The following TGFBI variants were observed in gnomAD, a reference collection of about 807,000 sequenced individuals.
TGFBI encodes the protein transforming growth factor beta induced, also known as transforming growth factor-beta-induced protein ig-h3.
A neutral mutation model predicts 73.7 loss-of-function variants in TGFBI; 50 were observed. That is an observed-to-expected ratio of 0.68 (90% CI 0.54 to 0.86). TGFBI has a LOEUF of 0.86. Among genes scored for constraint, TGFBI ranks in the 40% least tolerant of loss-of-function variants. TGFBI has a pLI of 0.00. For missense variants in TGFBI, 839 were observed against 877.0 expected, an observed-to-expected ratio of 0.96 and a Z score of 0.55; for synonymous variants, 362 against 360.5, an observed-to-expected ratio of 1.00 and a Z score of -0.05.
At position 136,046,552 on chromosome 5, in the gene TGFBI, G is replaced by A. The variant is rs3749786; in HGVS notation, c.459+57G>A. On this transcript the variant is annotated intron_variant, in intron 4 of 16. Transcript: ENST00000442011. ...TTATGGGGAACTGCCTTACTTCCCCGAGGGGTGGGCATGATGAATGGGAGT... is the reference window on the plus strand; with the variant it reads ...TTATGGGGAACTGCCTTACTTCCCCAAGGGGTGGGCATGATGAATGGGAGT... 19,929 of 1,516,636 alleles carry A rather than the reference G, an allele frequency of 0.013. 1,271 individuals carry two copies. The African/African-American group carries it at 0.17, about 13-fold the overall frequency. The allele number at this position is 1,516,636 out of a possible 1,614,324, so 93.9% of individuals were successfully genotyped here. A position where few individuals can be genotyped will look rare whatever the true frequency, so the allele number is the denominator to read the frequency against.
At chr5:136,034,293 A>G (rs1364901875) in intron 2 of TGFBI, among the ~76,000 whole-genome samples, 1 of 152,130 alleles carries the variant, frequency 6.6e-6, no homozygotes, top group Non-Finnish European at 1.5e-5. Flanking sequence ...GACTTAGAGC[A>G]CTAAACATAT....
At chr5:136,038,436 G>C (rs548733876) in intron 2 of TGFBI, among the ~76,000 whole-genome samples, 3 of 151,644 alleles carry the variant, frequency 2.0e-5, no homozygotes, top group Non-Finnish European at 4.4e-5. Context: ...AGGGAGGCAG[G>C]CTGTGCCTGG....
chr5:136,035,280 A>G (rs966501562), intron 2 of TGFBI, among the ~76,000 whole-genome samples: 2 of 152,190 alleles, frequency 1.3e-5, no homozygotes, highest in African/African-American at 4.8e-5. Context: ...AAAGGAGACT[A>G]TGCAAATTAT....
At chr5:136,055,860 T>C (rs1751621801) in intron 11 of TGFBI, 44 bp downstream of exon 11, 3 of 1,555,568 alleles carry the variant, frequency 1.9e-6, no homozygotes, top group Non-Finnish European at 1.8e-6. Context: ...CCAGTGGTCA[T>C]GCTGGAGTGG....
At chr5:136,049,324 T>C in intron 6 of TGFBI, 115 bp from the exon 7 acceptor site, 1 of 1,392,380 alleles carries the variant, frequency 7.2e-7, no homozygotes, top group Non-Finnish European at 9.6e-7. Context: ...GTTTTCGTCT[T>C]GGGCTTCTGT....
chr5:136,060,855 A>G lies in TGFBI; in HGVS notation c.1825A>G (p.Asn609Asp). 2.5e-6 allele frequency: 4 copies of G among 1,602,364 alleles called. No homozygotes were observed. Among genetic ancestry groups the G allele is most frequent in the Non-Finnish European group, 2.6e-6 (3 of 1,171,658 alleles). The part of the protein sequence containing the change: ...VSLKNNVVSV[N>D]KEPVAEPDIM... ...TTAGAAAAACAATGTGGTGAGTGTC[A>G]ACAAGGAGCCTGTTGCCGAGCCTGA... The change falls in exon 14 of 17, where the codon AAC becomes GAC. Residue 609 changes from asparagine to aspartate, a missense_variant. Asn to Asp is a conservative substitution (Grantham distance 23). Coordinates refer to ENST00000442011, the MANE Select transcript of TGFBI (RefSeq NM_000358.3).
At position 136,047,035 on chromosome 5, in the gene TGFBI, A is replaced by C; in HGVS notation, c.624+20A>C. On this transcript the variant is annotated intron_variant, in intron 5 of 16. Coordinates refer to ENST00000442011, the MANE Select transcript of TGFBI (RefSeq NM_000358.3). Reference sequence around the variant, plus strand: ...AATGGGGTAGGGGATCCCCAGCCATACTGCATGGCCCTTGGTGCATAATGA... The same window carrying C: ...AATGGGGTAGGGGATCCCCAGCCATCCTGCATGGCCCTTGGTGCATAATGA... 6.2e-7 allele frequency: 1 copy of C among 1,608,754 alleles called. No individual in the cohort carries two copies. The highest frequency in any genetic ancestry group is 8.5e-7 in the Non-Finnish European group (1 of 1,179,516).
rs569854331 is a variant in TGFBI at position 136,052,074 on chromosome 5, G to A, written c.914-833G>A. Among the ~76,000 whole-genome samples, 3 of 152,328 alleles carry A rather than the reference G, an allele frequency of 2.0e-5. No homozygotes were observed. The East Asian group carries it at 5.8e-4, about 29-fold the overall frequency. ...GCCACCTGCTCAGCCTGGGGTTGGG[G>A]GGGGCTCCTCCTCCTTGACTGGTCC... On this transcript the variant is annotated intron_variant, in intron 7 of 16. Transcript: ENST00000442011.
Position 136,054,762 on chromosome 5 carries a change from C to A in TGFBI, c.1311C>A (p.Asn437Lys). Residue 437 changes from asparagine (N) to lysine (K), a missense_variant, in exon 10 of 17, where the codon AAC (asparagine) becomes AAA (lysine). Physicochemically the swap from Asn to Lys is moderately conservative, Grantham distance 94. Coordinates refer to ENST00000442011, the MANE Select transcript of TGFBI (RefSeq NM_000358.3). The stretch of plus-strand genomic sequence containing the variant: ...CCCATACAAGGAATTTGCTTCGGAA[C>A]CACATAATTAAAGACCAGCTGGCCT... ...IDAHTRNLLR[N>K]HIIKDQLASK... is the part of the protein sequence containing the mutation. The A allele has an allele frequency of 6.2e-7, 1 of 1,613,960 alleles. No individual in the cohort carries two copies. The highest frequency in any genetic ancestry group is 8.5e-7 in the Non-Finnish European group (1 of 1,179,886).
intron 6 of TGFBI, 128 bp downstream of exon 6, chr5:136,047,548 T>C: frequency 9.3e-7 from 1 of 1,077,148 alleles, no homozygotes; most frequent in Non-Finnish European, 1.4e-6. Context: ...CAGGTTCCCC[T>C]GAATGCCCTT....
intron 6 of TGFBI, chr5:136,049,038 GGC>G: frequency 1.0e-5 from 2 of 194,914 alleles, no homozygotes; most frequent in South Asian, 1.2e-4. Context: ...CATGAGTGTA[GGC>G]ACAGCAGACA....
chr5:136,047,556 C>A, intron 6 of TGFBI, 136 bp downstream of exon 6: 1 of 1,020,150 alleles, frequency 9.8e-7, no homozygotes, highest in Non-Finnish European at 1.4e-6. Context: ...CCTGAATGCC[C>A]TTGAACATGG....
chr5:136,040,682 G>A (rs45600332), intron 2 of TGFBI, among the ~76,000 whole-genome samples: 28 of 152,346 alleles, frequency 1.8e-4, no homozygotes, highest in African/African-American at 5.5e-4. Flanking sequence ...ATCTGGCTGA[G>A]GAGAAGCCTG....
chr5:136,040,003 A>G (rs1451205163), intron 2 of TGFBI, among the ~76,000 whole-genome samples: 1 of 152,240 alleles, frequency 6.6e-6, no homozygotes, highest in African/African-American at 2.4e-5. Context: ...ACTGGCCTAC[A>G]GGGCCATTCC....
chr5:136,060,178 T>C (rs775107605), intron 13 of TGFBI, among the ~76,000 whole-genome samples: 6 of 152,252 alleles, frequency 3.9e-5, no homozygotes, highest in Non-Finnish European at 8.8e-5. Flanking sequence ...GCACTTCGCC[T>C]GTCTTCAGTC....
intron 16 of TGFBI, 74 bp downstream of exon 16, chr5:136,062,761 T>A: frequency 6.8e-7 from 1 of 1,461,904 alleles, no homozygotes; most frequent in South Asian, 1.2e-5. Flanking sequence ...AAGCCTGCCA[T>A]CTGCTGTATA....
chr5:136,055,700 C>G lies in TGFBI; in HGVS notation c.1431C>G (p.Ser477Arg). 1 of 1,608,544 alleles carries G rather than the reference C, an allele frequency of 6.2e-7. No homozygotes were observed. The highest frequency in any genetic ancestry group is 8.5e-7 in the Non-Finnish European group (1 of 1,175,780). Residue 477 changes from serine (S) to arginine (R), a missense_variant, in exon 11 of 17, where the codon AGC becomes AGG. By Grantham distance (110) the Ser-to-Arg change is moderately radical. Coordinates refer to ENST00000442011, the MANE Select transcript of TGFBI (RefSeq NM_000358.3). ...TGCAGAGCCTCTGCATTGAGAACAG[C>G]TGCATCGCGGCCCACGACAAGAGGG... The part of the protein sequence containing the change: ...VYRNSLCIEN[S>R]CIAAHDKRGR...
rs1376864731 is a variant in TGFBI, at chr5:136,033,770, G to A, written c.142G>A (p.Val48Met). 7 of 1,613,718 alleles carry A rather than the reference G, an allele frequency of 4.3e-6. No individual in the cohort carries two copies. Among genetic ancestry groups the A allele is most frequent in the African/African-American group, 2.7e-5 (2 of 74,912 alleles). The change falls in exon 2 of 17, where the codon GTG becomes ATG. Residue 48 changes from valine to methionine, a missense_variant. Coordinates refer to ENST00000442011, the MANE Select transcript of TGFBI (RefSeq NM_000358.3). ...TGCTGCTTTTGTTTTCAGCCCCAAC[G>A]TGTGTGCTGTGCAGAAGGTTATTGG... ...RLRGRQHGPN[V>M]CAVQKVIGTN...
At chr5:136,044,215 T>C in intron 3 of TGFBI, 93 bp downstream of exon 3, 1 of 1,062,770 alleles carries the variant, frequency 9.4e-7, no homozygotes, top group Non-Finnish European at 1.4e-6. Context: ...AGAGTGTGAA[T>C]GGGGGCAGTG....
Sources: allele counts gnomAD v4.1 joint callset (sites outside exome capture counted in the v4.1 genomes callset), GRCh38; gene constraint gnomAD v4.1.1; transcripts MANE v1.5; gene names NCBI Gene and HGNC (gene_info 2026-07-23, HGNC 2026-07-21).